LRRC4C: variants seen among roughly 807,000 people sequenced by gnomAD.
LRRC4C encodes the protein leucine rich repeat containing 4C, also known as leucine-rich repeat-containing protein 4C.
In LRRC4C, 5 loss-of-function variants were observed where a neutral mutation model predicts 33.6. The ratio of observed to expected loss-of-function variants is 0.15; its 90% CI spans 0.08 to 0.31. LRRC4C has a LOEUF of 0.31. Ranked by LOEUF, LRRC4C falls within the 10% of genes least tolerant of loss-of-function variation. The pLI, the probability that LRRC4C is intolerant of heterozygous loss-of-function variation, is 1.00. For missense variants in LRRC4C, 560 were observed against 796.7 expected (o/e 0.70, Z 3.58); for synonymous variants, 329 against 302.0 (o/e 1.09, Z -0.93).
chr11:40,424,680 C>T (rs1950647824), intron 3 of LRRC4C, among the ~76,000 whole-genome samples: 2 of 152,138 alleles, frequency 1.3e-5, no homozygotes, highest in African/African-American at 4.8e-5. Context: ...AGCAGCTCCA[C>T]GTGTAACAAT....
At chr11:40,143,593 A>C (rs1305467800) in intron 5 of LRRC4C, among the ~76,000 whole-genome samples, 2 of 152,240 alleles carry the variant, frequency 1.3e-5, no homozygotes, top group East Asian at 3.9e-4. Flanking sequence ...CCATGACAAC[A>C]GTGCCACCTT....
At chr11:41,397,383 A>T (rs1953861161) in intron 1 of LRRC4C, among the ~76,000 whole-genome samples, 1 of 151,968 alleles carries the variant, frequency 6.6e-6, no homozygotes, top group Admixed American at 6.6e-5. Context: ...CACCTTTATG[A>T]TGATCCACTT....
At position 40,331,686 on chromosome 11, in the gene LRRC4C, T is replaced by C. The variant is rs183121997; in HGVS notation, c.-269-11965A>G. ...GTGGAGGAAGTTTGAATTCTCTCTC[T>C]CTTCTTGAGCTGGGACATGCATCTT... On this transcript the variant is annotated intron_variant, in intron 3 of 6. Transcript: ENST00000528697. Among the ~76,000 whole-genome samples the C allele has an allele frequency of 3.3e-5, 5 of 152,298 alleles. No individual in the cohort carries two copies. The East Asian group carries it at 7.7e-4, about 24-fold the overall frequency.
At chr11:41,230,561 A>G (rs552823164) in intron 1 of LRRC4C, among the ~76,000 whole-genome samples, 18 of 152,172 alleles carry the variant, frequency 1.2e-4, no homozygotes, top group African/African-American at 4.3e-4. Context: ...AGTTTTAATT[A>G]TTAGCCAAAT....
chr11:40,757,676 C>CT (rs1401223574), intron 2 of LRRC4C, among the ~76,000 whole-genome samples: 2 of 150,218 alleles, frequency 1.3e-5, no homozygotes, highest in South Asian at 2.1e-4. Context: ...TTCAAGGACA[C>CT]TTTTTTGTTG....
At chr11:40,380,737 ATTCAC>A (rs1201388039) in intron 3 of LRRC4C, among the ~76,000 whole-genome samples, 3 of 152,226 alleles carry the variant, frequency 2.0e-5, no homozygotes, top group African/African-American at 7.2e-5. Flanking sequence ...AGTATCTGCT[ATTCAC>A]TTCATGTAAA....
intron 5 of LRRC4C, among the ~76,000 whole-genome samples, chr11:40,209,656 C>G (rs1196588986): frequency 2.0e-5 from 3 of 152,100 alleles, no homozygotes; most frequent in Admixed American, 2.0e-4. Context: ...GATTCTCATG[C>G]CTCAGCCTCC....
At chr11:40,205,428 T>C (rs1245660327) in intron 5 of LRRC4C, among the ~76,000 whole-genome samples, 2 of 152,048 alleles carry the variant, frequency 1.3e-5, no homozygotes, top group Non-Finnish European at 2.9e-5. Flanking sequence ...ATTAAAACCC[T>C]CAAGAAAAAA....
intron 5 of LRRC4C, among the ~76,000 whole-genome samples, chr11:40,186,519 C>A (rs965989368): frequency 6.6e-6 from 1 of 152,162 alleles, no homozygotes; most frequent in Non-Finnish European, 1.5e-5. Flanking sequence ...TTCTTACAGT[C>A]TCTAGTGCAG....
chr11:41,085,219 A>C (rs988312055), intron 1 of LRRC4C, among the ~76,000 whole-genome samples: 3 of 152,204 alleles, frequency 2.0e-5, no homozygotes, highest in African/African-American at 7.2e-5. Context: ...TCCACTCTTA[A>C]TTTCCAAATC....
chr11:40,373,135 C>T (rs868150935), intron 3 of LRRC4C, among the ~76,000 whole-genome samples: 1 of 151,440 alleles, frequency 6.6e-6, no homozygotes, highest in South Asian at 2.1e-4. Flanking sequence ...AGTCAAATAG[C>T]AATCTCTACC....
At chr11:40,543,305 G>A (rs1226820104) in intron 3 of LRRC4C, among the ~76,000 whole-genome samples, 1 of 152,066 alleles carries the variant, frequency 6.6e-6, no homozygotes, top group Non-Finnish European at 1.5e-5. Flanking sequence ...GGCTAGCACT[G>A]TAAAGGCCAA....
chr11:40,118,648 G>A (rs1010220476), intron 6 of LRRC4C, among the ~76,000 whole-genome samples: 2 of 152,066 alleles, frequency 1.3e-5, no homozygotes, highest in Admixed American at 6.6e-5. Flanking sequence ...ACCAAGGCAA[G>A]CAGACATGAA....
intron 1 of LRRC4C, among the ~76,000 whole-genome samples, chr11:40,938,129 T>C (rs1470721769): frequency 6.6e-6 from 1 of 152,186 alleles, no homozygotes; most frequent in Non-Finnish European, 1.5e-5. Flanking sequence ...AGAATGTTCT[T>C]TCAGTAGTTA....
chr11:40,860,045 C>T (rs1229086249), intron 2 of LRRC4C, among the ~76,000 whole-genome samples: 2 of 151,850 alleles, frequency 1.3e-5, no homozygotes, highest in African/African-American at 4.8e-5. Context: ...GAGATTGTGC[C>T]ACTGCACTCC....
At chr11:41,144,512 G>A (rs1331152515) in intron 1 of LRRC4C, among the ~76,000 whole-genome samples, 1 of 152,068 alleles carries the variant, frequency 6.6e-6, no homozygotes, top group Non-Finnish European at 1.5e-5. Context: ...CCAATATTAT[G>A]AGTTTGTTGC....
chr11:40,666,215 A>G (rs1375637738), intron 2 of LRRC4C, among the ~76,000 whole-genome samples: 1 of 152,168 alleles, frequency 6.6e-6, no homozygotes. Flanking sequence ...TGTTGAACAC[A>G]AAAAGCAAGT....
rs889666403 is a variant in LRRC4C at position 40,827,186 on chromosome 11, C to T, written c.-407+106449G>A. Among the ~76,000 whole-genome samples, 7 of 151,582 alleles carry T rather than the reference C, an allele frequency of 4.6e-5. No homozygotes were observed. In the South Asian group the frequency reaches 6.2e-4, roughly 14 times the overall value. On this transcript the variant is annotated intron_variant, in intron 2 of 6. Coordinates refer to ENST00000528697, the MANE Select transcript of LRRC4C (RefSeq NM_001258419.2). ...ACTGAAATGTCAATATTTAATTGAA[C>T]GTATCTAGGAGGCTGGTTGCTGAAT... is the stretch of plus-strand genomic sequence containing the variant.
At chr11:40,385,643 C>A (rs557548835) in intron 3 of LRRC4C, among the ~76,000 whole-genome samples, 20 of 151,900 alleles carry the variant, frequency 1.3e-4, no homozygotes, top group African/African-American at 4.6e-4. Context: ...CCGAGGTGGG[C>A]AGATGAGGAG....
Sources: gnomAD v4.1 joint callset for allele counts (sites outside exome capture counted in the v4.1 genomes callset) on GRCh38, gnomAD v4.1.1 for gene constraint, MANE v1.5 for transcripts, NCBI Gene and HGNC (gene_info 2026-07-23, HGNC 2026-07-21) for gene names.